The following TXNRD1 variants were observed in gnomAD, a reference collection of about 807,000 sequenced individuals.
The protein encoded by TXNRD1 is thioredoxin reductase 1, cytoplasmic.
In TXNRD1, 57 loss-of-function variants were observed where a neutral mutation model predicts 80.3. The observed-to-expected ratio is 0.71, with a 90% CI of 0.57 to 0.89. The LOEUF (loss-of-function observed/expected upper bound fraction) is 0.89. TXNRD1 is among the 40% of genes least tolerant of loss of function. The pLI, the probability that TXNRD1 is intolerant of heterozygous loss-of-function variation, is 0.00. For missense variants in TXNRD1, 730 were observed against 803.0 expected (o/e 0.91, Z 1.10); for synonymous variants, 291 against 285.2 (o/e 1.02, Z -0.20).
chr12:104,237,778 G>A (rs1206611672), intron 1 of TXNRD1, among the ~76,000 whole-genome samples: 1 of 152,168 alleles, frequency 6.6e-6, no homozygotes, highest in Non-Finnish European at 1.5e-5. Flanking sequence ...ACTTTGGGAG[G>A]CTGAGGCAGG....
intron 6 of TXNRD1, among the ~76,000 whole-genome samples, chr12:104,314,776 C>A (rs541092572): frequency 2.2e-3 from 284 of 128,968 alleles, no homozygotes; most frequent in African/African-American, 8.4e-3. Context: ...GAGTCTCGCT[C>A]TGTCGCCCGG....
At chr12:104,293,818 T>G (rs2034317599) in intron 4 of TXNRD1, among the ~76,000 whole-genome samples, 1 of 152,148 alleles carries the variant, frequency 6.6e-6, no homozygotes. Flanking sequence ...TGGCCCCGAA[T>G]GTCGGGCTGC....
intron 3 of TXNRD1, among the ~76,000 whole-genome samples, chr12:104,288,484 G>T (rs2034052248): frequency 6.6e-6 from 1 of 152,220 alleles, no homozygotes; most frequent in African/African-American, 2.4e-5. Flanking sequence ...TCAAGGAAAC[G>T]TTGGAAGTTG....
chr12:104,247,536 G>A (rs1848344880), intron 1 of TXNRD1, among the ~76,000 whole-genome samples: 1 of 152,130 alleles, frequency 6.6e-6, no homozygotes, highest in Non-Finnish European at 1.5e-5. Flanking sequence ...TTTTGTTAGA[G>A]GCAGAATTTA....
At chr12:104,304,335 G>GA (rs925464476) in intron 4 of TXNRD1, 5 of 1,613,924 alleles carry the variant, frequency 3.1e-6, no homozygotes, top group Non-Finnish European at 4.2e-6. Context: ...TGGATGGAAG[G>GA]CGATCCTGAC....
intron 3 of TXNRD1, among the ~76,000 whole-genome samples, chr12:104,274,593 G>A (rs775867069): frequency 1.3e-5 from 2 of 151,802 alleles, no homozygotes; most frequent in African/African-American, 2.4e-5. Context: ...CAGCTACTCG[G>A]TAGGCTGAGG....
At chr12:104,242,747 C>G (rs1161859638) in intron 1 of TXNRD1, among the ~76,000 whole-genome samples, 1 of 152,062 alleles carries the variant, frequency 6.6e-6, no homozygotes, top group Non-Finnish European at 1.5e-5. Context: ...TCCAGTAAAC[C>G]AAGACTAACC....
rs1565870322 is a variant in TXNRD1, at chr12:104,267,707, T to TCTC, written c.304+9628_304+9629insCTC. On this transcript the variant is annotated intron_variant, in intron 3 of 16. Coordinates refer to ENST00000525566, the MANE Select transcript of TXNRD1 (RefSeq NM_001093771.3). ...TTTCTTTCTTTCTTTCTTTCTCTCT[T>TCTC]TCTTTCTTTCTTTCTCTTTCTTTCT... Among the ~76,000 whole-genome samples the TCTC allele has an allele frequency of 8.2e-4, 50 of 61,216 alleles. 1 individual carries two copies. Among genetic ancestry groups the TCTC allele is most frequent in the Middle Eastern group, 7.9e-3 (1 of 126 alleles). 40.2% of individuals were successfully genotyped at this position (61,216 alleles called of 152,430 possible).
chr12:104,303,366 A>G (rs1238188793), intron 4 of TXNRD1, among the ~76,000 whole-genome samples: 1 of 152,206 alleles, frequency 6.6e-6, no homozygotes, highest in Non-Finnish European at 1.5e-5. Flanking sequence ...GGCCTTACCG[A>G]CGGTTTACAG....
intron 14 of TXNRD1, 141 bp downstream of exon 14, chr12:104,331,782 C>T: frequency 1.7e-6 from 1 of 573,726 alleles, no homozygotes; most frequent in Non-Finnish European, 3.1e-6. Context: ...TAACATTGTG[C>T]CAATTTATTT....
chr12:104,309,664 C>G, intron 4 of TXNRD1: 1 of 856,210 alleles, frequency 1.2e-6, no homozygotes, highest in Non-Finnish European at 1.7e-6. Context: ...AAGTCATGCT[C>G]TTTGAGACCC....
At chr12:104,309,968 C>A in intron 4 of TXNRD1, 3 of 1,533,158 alleles carry the variant, frequency 2.0e-6, no homozygotes, top group Non-Finnish European at 2.6e-6. Flanking sequence ...CAGTGCTGTG[C>A]TTCCTCCTTC....
chr12:104,298,333 G>C (rs957677205), intron 4 of TXNRD1, among the ~76,000 whole-genome samples: 1 of 152,084 alleles, frequency 6.6e-6, no homozygotes, highest in African/African-American at 2.4e-5. Flanking sequence ...AGCCTTCGTA[G>C]GTTTTTAAAA....
chr12:104,244,021 T>C (rs996552082), intron 1 of TXNRD1, among the ~76,000 whole-genome samples: 1 of 152,248 alleles, frequency 6.6e-6, no homozygotes, highest in Non-Finnish European at 1.5e-5. Context: ...GTTTTCCAGT[T>C]TCCCCCAGTT....
Position 104,347,435 on chromosome 12 carries a change from A to G in TXNRD1, c.1882-918A>G, listed in dbSNP as rs550027289. On this transcript the variant is annotated intron_variant, in intron 16 of 16. Coordinates refer to ENST00000525566, the MANE Select transcript of TXNRD1 (RefSeq NM_001093771.3). The stretch of plus-strand genomic sequence containing the variant: ...GAGCAGTAGCAAGTAAAGATTGTCT[A>G]AAACTGTCAAGTCCACAACCATCAA... Among the ~76,000 whole-genome samples, 63 of 152,356 alleles carry G rather than the reference A, an allele frequency of 4.1e-4. 1 individual carries two copies. In the South Asian group the frequency reaches 0.013, roughly 31 times the overall value.
chr12:104,316,420 C>T (rs1418508744), intron 7 of TXNRD1, among the ~76,000 whole-genome samples: 1 of 152,148 alleles, frequency 6.6e-6, no homozygotes, highest in Non-Finnish European at 1.5e-5. Flanking sequence ...GACGGAGTCT[C>T]ACTCTGTCGC....
intron 2 of TXNRD1, among the ~76,000 whole-genome samples, chr12:104,256,976 CT>C (rs1232123272): frequency 1.3e-3 from 168 of 131,578 alleles, no homozygotes; most frequent in African/African-American, 4.0e-3. Flanking sequence ...ATTTTCTTTT[CT>C]TTTTTTTTTT....
chr12:104,268,668 C>T (rs1421330423), intron 3 of TXNRD1, among the ~76,000 whole-genome samples: 1 of 151,932 alleles, frequency 6.6e-6, no homozygotes, highest in Admixed American at 6.6e-5. Flanking sequence ...ACAGGCTGCA[C>T]TACCACGCCT....
intron 1 of TXNRD1, among the ~76,000 whole-genome samples, chr12:104,231,710 A>G (rs1023903759): frequency 6.6e-6 from 1 of 152,196 alleles, no homozygotes; most frequent in Non-Finnish European, 1.5e-5. Flanking sequence ...TATTTTCCCA[A>G]ACAAAGAAAC....
Sources: allele counts gnomAD v4.1 joint callset (sites outside exome capture counted in the v4.1 genomes callset), GRCh38; gene constraint gnomAD v4.1.1; transcripts MANE v1.5; gene names NCBI Gene and HGNC (gene_info 2026-07-23, HGNC 2026-07-21).